NEK11: variants seen among roughly 807,000 people sequenced by gnomAD.
NEK11 encodes NIMA related kinase 11.
NEK11 carries 72 observed loss-of-function variants against 80.7 expected under a neutral mutation model. That is an observed-to-expected ratio of 0.89 (90% CI 0.74 to 1.08). The LOEUF is 1.08. Among genes scored for constraint, NEK11 ranks in the 50% least tolerant of loss-of-function variants. The probability of loss-of-function intolerance (pLI) is 0.00; values close to 1 mark genes in which losing one functional copy is unlikely to be tolerated. For missense variants in NEK11, 764 were observed against 763.6 expected, an observed-to-expected ratio of 1.00 and a Z score of -0.01; for synonymous variants, 251 against 260.7, an observed-to-expected ratio of 0.96 and a Z score of 0.36.
At chr3:131,220,472 C>T (rs2094983349) in intron 14 of NEK11, among the ~76,000 whole-genome samples, 1 of 152,112 alleles carries the variant, frequency 6.6e-6, no homozygotes, top group South Asian at 2.1e-4. Flanking sequence ...CTAAGCACTG[C>T]CACTCCCAAT....
intron 16 of NEK11, among the ~76,000 whole-genome samples, chr3:131,262,713 T>C (rs2095951876): frequency 1.3e-5 from 2 of 152,286 alleles, no homozygotes; most frequent in South Asian, 4.1e-4. Context: ...GTGCAGGAGG[T>C]GCAAGTTTGT....
intron 3 of NEK11, among the ~76,000 whole-genome samples, chr3:131,066,832 A>G (rs1201093906): frequency 2.1e-5 from 3 of 141,942 alleles, no homozygotes; most frequent in Non-Finnish European, 4.6e-5. Flanking sequence ...ACAGAGCCAG[A>G]CTTGTCTCAA....
chr3:131,302,319 C>T (rs977335718), intron 17 of NEK11, among the ~76,000 whole-genome samples: 69 of 152,140 alleles, frequency 4.5e-4, no homozygotes, highest in African/African-American at 1.6e-3. Flanking sequence ...CTCCTGAATT[C>T]ATTAATCTTT....
chr3:131,147,270 C>T (rs191285812), intron 7 of NEK11, among the ~76,000 whole-genome samples: 2 of 151,906 alleles, frequency 1.3e-5, no homozygotes, highest in Non-Finnish European at 2.9e-5. Flanking sequence ...AATCCAAGTA[C>T]GTTTTTTTCT....
At chr3:131,211,673 A>C (rs1041428347) in intron 14 of NEK11, among the ~76,000 whole-genome samples, 2 of 151,152 alleles carry the variant, frequency 1.3e-5, no homozygotes, top group Non-Finnish European at 2.9e-5. Flanking sequence ...ATTTCTTTTT[A>C]CTCTTCTTTC....
At chr3:131,194,673 A>T (rs1226470858) in intron 14 of NEK11, among the ~76,000 whole-genome samples, 2 of 152,086 alleles carry the variant, frequency 1.3e-5, no homozygotes, top group Non-Finnish European at 2.9e-5. Context: ...ATTGAGTTTT[A>T]ACAAATGATT....
At chr3:131,276,555 T>C (rs2096294879) in intron 17 of NEK11, among the ~76,000 whole-genome samples, 1 of 152,226 alleles carries the variant, frequency 6.6e-6, no homozygotes, top group Non-Finnish European at 1.5e-5. Flanking sequence ...TCATCTGGAT[T>C]TGCCAGTTGT....
intron 5 of NEK11, 41 bp from the exon 6 acceptor site, chr3:131,132,704 A>G: frequency 9.4e-7 from 1 of 1,061,562 alleles, no homozygotes; most frequent in Non-Finnish European, 1.4e-6. Flanking sequence ...TAAAAATGTT[A>G]TATTCTGCAT....
At chr3:131,154,797 T>G in intron 9 of NEK11, 1 of 426,692 alleles carries the variant, frequency 2.3e-6, no homozygotes, top group East Asian at 3.6e-5. Context: ...CAAAAGGGAG[T>G]GAGAGAGCAA....
At chr3:131,175,493 C>G (rs1311436768) in intron 14 of NEK11, among the ~76,000 whole-genome samples, 1 of 152,110 alleles carries the variant, frequency 6.6e-6, no homozygotes, top group Non-Finnish European at 1.5e-5. Context: ...AGAAGCCACA[C>G]GTAAAAGAGT....
At chr3:131,185,927 CA>C (rs1186366494) in intron 14 of NEK11, among the ~76,000 whole-genome samples, 1 of 152,064 alleles carries the variant, frequency 6.6e-6, no homozygotes, top group Non-Finnish European at 1.5e-5. Context: ...TGGACCTGGA[CA>C]AAAAATTTAA....
At chr3:131,219,076 G>C (rs1023375207) in intron 14 of NEK11, among the ~76,000 whole-genome samples, 6 of 152,072 alleles carry the variant, frequency 3.9e-5, no homozygotes, top group African/African-American at 1.4e-4. Flanking sequence ...TCATTCTACT[G>C]TAAAGACACA....
chr3:131,042,263 C>G (rs143659854), intron 3 of NEK11, among the ~76,000 whole-genome samples: 1 of 151,948 alleles, frequency 6.6e-6, no homozygotes, highest in Non-Finnish European at 1.5e-5. Flanking sequence ...CGAGACAGAA[C>G]TGTTCACTCC....
intron 3 of NEK11, among the ~76,000 whole-genome samples, chr3:131,051,192 G>A (rs9811392): frequency 0.52 from 79,251 of 152,032 alleles, 21,051 homozygotes; most frequent in Middle Eastern, 0.72. Context: ...TTCCAGTTAC[G>A]TTAGATTATA....
At position 131,255,121 on chromosome 3, in the gene NEK11, AAAG is replaced by A. The variant is rs1452637421; in HGVS notation, c.1621+11628_1621+11630del. 2.2e-3 allele frequency among the ~76,000 whole-genome samples: 335 copies of A among 151,488 alleles called. 1 individual carries two copies. The highest frequency in any genetic ancestry group is 7.8e-3 in the African/African-American group (321 of 41,070). On this transcript the variant is annotated intron_variant, in intron 16 of 17. Coordinates refer to ENST00000383366, the MANE Select transcript of NEK11 (RefSeq NM_024800.5). Reference sequence around the variant, plus strand: ...GAAAGAAAGAAAGAAAGAAAGAAAGAAAGAAAGAGAGAAAGAACAGCTAATTTC... The same window carrying A: ...GAAAGAAAGAAAGAAAGAAAGAAAGAAAAGAGAGAAAGAACAGCTAATTTC...
intron 14 of NEK11, among the ~76,000 whole-genome samples, chr3:131,174,085 CT>C (rs2092859575): frequency 6.6e-6 from 1 of 152,056 alleles, no homozygotes; most frequent in South Asian, 2.1e-4. Flanking sequence ...AAAAAATAAA[CT>C]TAGAACTATG....
At chr3:131,166,226 A>G (rs1289552273) in intron 12 of NEK11, among the ~76,000 whole-genome samples, 1 of 152,252 alleles carries the variant, frequency 6.6e-6, no homozygotes, top group Non-Finnish European at 1.5e-5. Flanking sequence ...ATTTTTATAG[A>G]GAACTTCTAC....
At chr3:131,284,488 C>T (rs2096446152) in intron 17 of NEK11, among the ~76,000 whole-genome samples, 1 of 152,126 alleles carries the variant, frequency 6.6e-6, no homozygotes, top group South Asian at 2.1e-4. Context: ...AATTCATTTT[C>T]CCCAATACTC....
chr3:131,297,672 A>T (rs1181511610), intron 17 of NEK11, among the ~76,000 whole-genome samples: 1 of 152,014 alleles, frequency 6.6e-6, no homozygotes, highest in Non-Finnish European at 1.5e-5. Context: ...GTTTAATGAG[A>T]TCCCATTTGT....
Sources: gnomAD v4.1 joint callset for allele counts (sites outside exome capture counted in the v4.1 genomes callset) on GRCh38, gnomAD v4.1.1 for gene constraint, MANE v1.5 for transcripts, NCBI Gene and HGNC (gene_info 2026-07-23, HGNC 2026-07-21) for gene names.